The following BACH2 variants were observed in gnomAD, a reference collection of about 807,000 sequenced individuals.
The protein encoded by BACH2 is transcription regulator protein BACH2.
Under a neutral mutation model 61.8 loss-of-function variants are expected in BACH2, and 5 were observed. That is an observed-to-expected ratio of 0.08 (90% CI 0.04 to 0.17). The LOEUF (loss-of-function observed/expected upper bound fraction) is 0.17. Ranked by LOEUF, BACH2 falls within the 10% of genes least tolerant of loss-of-function variation. The pLI is 1.00. For synonymous variants in BACH2, 446 were observed against 440.1 expected, an observed-to-expected ratio of 1.01 and a Z score of -0.17; for missense variants, 824 against 1,091.1, an observed-to-expected ratio of 0.76 and a Z score of 3.45.
intron 4 of BACH2, among the ~76,000 whole-genome samples, chr6:90,103,638 T>C (rs1490655273): frequency 6.6e-6 from 1 of 152,190 alleles, no homozygotes; most frequent in Admixed American, 6.5e-5. Flanking sequence ...CTCTGGGTGA[T>C]GCTTTTTTGT....
intron 5 of BACH2, among the ~76,000 whole-genome samples, chr6:90,083,038 T>G (rs1428844138): frequency 6.6e-6 from 1 of 152,194 alleles, no homozygotes; most frequent in East Asian, 1.9e-4. Context: ...TTCCTCCTCA[T>G]GACGCACAGT....
intron 6 of BACH2, among the ~76,000 whole-genome samples, chr6:89,972,476 C>T (rs187779376): frequency 6.6e-6 from 1 of 152,184 alleles, no homozygotes; most frequent in South Asian, 2.1e-4. Context: ...ACCAAAGCCA[C>T]AACCTGGATA....
chr6:90,168,179 T>C (rs1411403016), intron 4 of BACH2, among the ~76,000 whole-genome samples: 1 of 152,016 alleles, frequency 6.6e-6, no homozygotes, highest in Non-Finnish European at 1.5e-5. Context: ...GGCAACATAG[T>C]GAGACCCCAT....
At chr6:90,243,700 C>A (rs574405436) in intron 3 of BACH2, among the ~76,000 whole-genome samples, 1 of 152,220 alleles carries the variant, frequency 6.6e-6, no homozygotes, top group African/African-American at 2.4e-5. Context: ...ATGAATTTGG[C>A]AAAAATGATG....
chr6:89,992,660 C>G (rs1320460129), intron 6 of BACH2, among the ~76,000 whole-genome samples: 1 of 151,824 alleles, frequency 6.6e-6, no homozygotes, highest in East Asian at 1.9e-4. Context: ...GAAAAACAAT[C>G]AAACAAACAA....
At chr6:90,282,918 G>C (rs1168624774) in intron 1 of BACH2, among the ~76,000 whole-genome samples, 1 of 152,216 alleles carries the variant, frequency 6.6e-6, no homozygotes, top group Admixed American at 6.5e-5. Flanking sequence ...GGTTGAACTT[G>C]GTTAGGTAAC....
intron 4 of BACH2, among the ~76,000 whole-genome samples, chr6:90,161,356 AT>A: frequency 6.6e-6 from 1 of 152,072 alleles, no homozygotes; most frequent in Non-Finnish European, 1.5e-5. Flanking sequence ...TAATAATGAT[AT>A]TTTTTCTAAT....
At position 90,268,005 on chromosome 6, in the gene BACH2, TTTTTG is replaced by T. The variant is rs1771396727; in HGVS notation, c.-353+3839_-353+3843del. ...ACAGCATTTTTTTCTGCACTTGCCT[TTTTTG>T]TTTTTTTTTTTTTTTCAAGACAGGG... On this transcript the variant is annotated intron_variant, in intron 2 of 8. Transcript: ENST00000257749. Among the ~76,000 whole-genome samples, 10 of 134,158 alleles carry T rather than the reference TTTTTG, an allele frequency of 7.5e-5. No homozygotes were observed. The South Asian group carries it at 2.5e-3, about 34-fold the overall frequency. The allele number at this position is 134,158 out of a possible 152,430, so 88.0% of individuals were successfully genotyped here. A position where few individuals can be genotyped will look rare whatever the true frequency, so the allele number is the denominator to read the frequency against.
In BACH2 at chr6:90,138,698, T is replaced by C. The variant is rs377065308; in HGVS notation, c.-161-49589A>G. On this transcript the variant is annotated intron_variant, in intron 4 of 8. Transcript: ENST00000257749. Reference sequence around the variant, plus strand: ...CCACCGAAGGACACATCCTAGGAGATAGAACATATTAAACTGAGAAGACAT... The same window carrying C: ...CCACCGAAGGACACATCCTAGGAGACAGAACATATTAAACTGAGAAGACAT... 1.3e-3 allele frequency among the ~76,000 whole-genome samples: 205 copies of C among 152,146 alleles called. 1 individual carries two copies. The highest frequency in any genetic ancestry group is 0.01 in the Middle Eastern group (3 of 294).
chr6:90,135,501 A>G (rs1784241572), intron 4 of BACH2, among the ~76,000 whole-genome samples: 2 of 152,132 alleles, frequency 1.3e-5, no homozygotes, highest in Admixed American at 1.3e-4. Flanking sequence ...GCTGAGGTGG[A>G]TGGATCGCTT....
In BACH2 at chr6:90,149,970, AC is replaced by A. The variant is rs780145801; in HGVS notation, c.-162+56598del. 9.2e-5 allele frequency among the ~76,000 whole-genome samples: 14 copies of A among 152,158 alleles called. No individual in the cohort carries two copies. The East Asian group carries it at 2.7e-3, about 29-fold the overall frequency. On this transcript the variant is annotated intron_variant, in intron 4 of 8. Coordinates refer to ENST00000257749, the MANE Select transcript of BACH2 (RefSeq NM_021813.4). ...TGCCATTAAATGGGAGGTCTTAATCACCTATTAGCTACTTGCAGAAACCAAG... is the reference window on the plus strand; with the variant it reads ...TGCCATTAAATGGGAGGTCTTAATCACTATTAGCTACTTGCAGAAACCAAG...
intron 4 of BACH2, among the ~76,000 whole-genome samples, chr6:90,140,809 C>A (rs976442923): frequency 1.4e-4 from 21 of 152,170 alleles, no homozygotes; most frequent in Admixed American, 1.2e-3. Context: ...CCCTAAGATA[C>A]AATGAAAGTA....
intron 5 of BACH2, among the ~76,000 whole-genome samples, chr6:90,082,344 A>G (rs894746409): frequency 5.3e-5 from 8 of 152,214 alleles, no homozygotes; most frequent in African/African-American, 1.7e-4. Flanking sequence ...GACAGAAGGT[A>G]GAAATGAAAA....
At chr6:90,247,246 CTTTT>C (rs1269813491) in intron 3 of BACH2, among the ~76,000 whole-genome samples, 1 of 141,148 alleles carries the variant, frequency 7.1e-6, no homozygotes, top group Non-Finnish European at 1.5e-5. Flanking sequence ...TCTTCTTCTT[CTTTT>C]TTTTTTTTTT....
At chr6:89,946,770 A>G (rs969408160) in intron 7 of BACH2, among the ~76,000 whole-genome samples, 1 of 152,210 alleles carries the variant, frequency 6.6e-6, no homozygotes, top group African/African-American at 2.4e-5. Context: ...TGTTGTAGGC[A>G]AAGAGAAAGC....
chr6:89,952,151 AT>A, intron 6 of BACH2: 1 of 406,402 alleles, frequency 2.5e-6, no homozygotes, highest in Non-Finnish European at 4.5e-6. Flanking sequence ...CTAATGAAAT[AT>A]CCTGGCAAAA....
At chr6:90,130,761 G>T (rs2127823337) in intron 4 of BACH2, among the ~76,000 whole-genome samples, 1 of 152,352 alleles carries the variant, frequency 6.6e-6, no homozygotes, top group South Asian at 2.1e-4. Context: ...CAGAGGCTTT[G>T]CTTACGCGAA....
chr6:90,243,991 A>C (rs1395589643), intron 3 of BACH2, among the ~76,000 whole-genome samples: 1 of 152,232 alleles, frequency 6.6e-6, no homozygotes, highest in East Asian at 1.9e-4. Flanking sequence ...GCATGATCTC[A>C]GCTCACTGCA....
intron 3 of BACH2, among the ~76,000 whole-genome samples, chr6:90,238,228 G>C (rs766376067): frequency 1.3e-5 from 2 of 152,050 alleles, no homozygotes; most frequent in Non-Finnish European, 2.9e-5. Context: ...TCGATCGATC[G>C]ATCATCTATC....
Sources: allele counts gnomAD v4.1 joint callset (sites outside exome capture counted in the v4.1 genomes callset), GRCh38; gene constraint gnomAD v4.1.1; transcripts MANE v1.5; gene names NCBI Gene and HGNC (gene_info 2026-07-23, HGNC 2026-07-21).